Variants in APC2 observed in about 807,000 individuals in gnomAD.
The protein encoded by APC2 is APC regulator of Wnt signaling pathway 2, also known as adenomatous polyposis coli protein 2.
Under a neutral mutation model 72.5 loss-of-function variants are expected in APC2, and 41 were observed. The observed-to-expected ratio is 0.57, with a 90% CI of 0.44 to 0.73. The LOEUF is 0.73. APC2 is among the 30% of genes least tolerant of loss of function. APC2 has a pLI of 0.00. For missense variants in APC2, 3,729 were observed against 3,403.4 expected (o/e 1.10, Z -2.38); for synonymous variants, 1,898 against 1,612.0 (o/e 1.18, Z -4.25).
chr19:1,462,143 G>A lies in APC2; in HGVS notation c.1819G>A (p.Val607Met). 3 of 1,611,610 alleles carry A rather than the reference G, an allele frequency of 1.9e-6. No individual in the cohort carries two copies. Among genetic ancestry groups the A allele is most frequent in the Non-Finnish European group, 2.5e-6 (3 of 1,179,800 alleles). ...IESGGGILRN[V>M]SSLVATREDY... ...GAGCGGCGGCGGCATCCTCCGCAAT[G>A]TGTCCAGCCTCGTCGCCACCCGTGA... is the stretch of plus-strand genomic sequence containing the variant. The change falls in exon 14 of 15, where the codon GTG becomes ATG. Residue 607 changes from valine to methionine, a missense_variant. By Grantham distance (21) the Val-to-Met change is conservative (BLOSUM62 1). Coordinates refer to ENST00000590469, the MANE Select transcript of APC2 (RefSeq NM_005883.3).
At chr19:1,450,056 C>T (rs888076560), upstream of APC2, 4 of 889,520 alleles carry the variant, frequency 4.5e-6, no homozygotes, top group Non-Finnish European at 5.4e-6. Context: ...ATGGCACCAG[C>T]CCGTCTTCCC....
In APC2 at chr19:1,466,421, C is replaced by T. The variant is rs757888565; in HGVS notation, c.3120C>T (p.Pro1040=). The T allele has an allele frequency of 1.1e-5, 17 of 1,597,222 alleles. No individual in the cohort carries two copies. Among genetic ancestry groups the T allele is most frequent in the Admixed American group, 3.3e-5 (2 of 59,838 alleles). The part of the protein sequence containing the change: ...WLPADHLSKV[P]EKLAAAPLSV... Reference sequence around the variant, plus strand: ...CGGCAGACCACCTGAGCAAGGTTCCCGAGAAGCTGGCGGCTGCCCCGCTGT... The same window carrying T: ...CGGCAGACCACCTGAGCAAGGTTCCTGAGAAGCTGGCGGCTGCCCCGCTGT... Residue 1040 remains proline (P), a synonymous_variant, in exon 15 of 15, where the codon CCC becomes CCT. Coordinates refer to ENST00000590469, the MANE Select transcript of APC2 (RefSeq NM_005883.3).
At chr19:1,461,182 T>C in intron 13 of APC2, 29 bp downstream of exon 13, 1 of 1,577,950 alleles carries the variant, frequency 6.3e-7, no homozygotes, top group Non-Finnish European at 8.6e-7. Flanking sequence ...GCAGGGATGC[T>C]TCTTCAGTCA....
rs889773975 is a variant in APC2, at chr19:1,467,753, C to G, written c.4452C>G (p.Pro1484=). The change falls in exon 15 of 15, where the codon CCC becomes CCG. Residue 1484 remains proline (P), a synonymous_variant. Coordinates refer to ENST00000590469, the MANE Select transcript of APC2 (RefSeq NM_005883.3). ...CCGCAGACAAGGACGGCTCAAAGCC[C>G]GGCCGGACCCGCGGGGACGGGGCGC... ...SAPADKDGSK[P]GRTRGDGALQ... The G allele has an allele frequency of 2.1e-6, 3 of 1,432,814 alleles. No homozygotes were observed. Among genetic ancestry groups the G allele is most frequent in the African/African-American group, 1.5e-5 (1 of 66,906 alleles). 88.8% of individuals were successfully genotyped at this position (1,432,814 alleles called of 1,614,324 possible). A position where few individuals can be genotyped will look rare whatever the true frequency, so the allele number is the denominator to read the frequency against.
chr19:1,463,397 G>A (rs1461775356), intron 14 of APC2, among the ~76,000 whole-genome samples: 6 of 144,218 alleles, frequency 4.2e-5, no homozygotes, highest in African/African-American at 1.4e-4. Context: ...CAGCCTGGGC[G>A]ACAGAGGGGA....
chr19:1,455,116 C>G (rs760895117), intron 4 of APC2, 33 bp from the exon 5 acceptor site: 2 of 1,465,298 alleles, frequency 1.4e-6, no homozygotes, highest in Admixed American at 2.4e-5. Context: ...CGGCGCCGCC[C>G]TCTGAGCCCG....
In APC2 at chr19:1,466,043, G is replaced by C; in HGVS notation, c.2742G>C (p.Arg914=). Residue 914 remains arginine (R), a synonymous_variant, in exon 15 of 15, where the codon CGG becomes CGC. Coordinates refer to ENST00000590469, the MANE Select transcript of APC2 (RefSeq NM_005883.3). ...GAAGCCGGGCGCACCCGCTGCTGCG[G>C]CTCAAGGCGGCCCACGCCAGCCTCT... ...EAGSRAHPLL[R]LKAAHASLSN... is the part of the protein sequence containing the mutation. 1.3e-6 allele frequency: 2 copies of C among 1,499,526 alleles called. No individual in the cohort carries two copies. Among genetic ancestry groups the C allele is most frequent in the Non-Finnish European group, 1.8e-6 (2 of 1,135,746 alleles). The allele number at this position is 1,499,526 out of a possible 1,614,324, so 92.9% of individuals were successfully genotyped here.
chr19:1,468,426 G>A lies in APC2; in HGVS notation c.5125G>A (p.Glu1709Lys). Residue 1709 changes from glutamate (E) to lysine (K), a missense_variant, in exon 15 of 15, where the codon GAG becomes AAG. Glu to Lys is a moderately conservative substitution (Grantham distance 56, BLOSUM62 1). Coordinates refer to ENST00000590469, the MANE Select transcript of APC2 (RefSeq NM_005883.3). ...GCACCAGGCAGCAGCTGCCACGCGG[G>A]AGGCCTCGTCCGAGTCCGACTCCAT... ...WLHQAAAATR[E>K]ASSESDSILS... 3 of 1,592,174 alleles carry A rather than the reference G, an allele frequency of 1.9e-6. No homozygotes were observed. The highest frequency in any genetic ancestry group is 2.6e-6 in the Non-Finnish European group (3 of 1,170,322).
chr19:1,466,214 G>A lies in APC2; in HGVS notation c.2913G>A (p.Leu971=), dbSNP rs1457369938. 6.4e-7 allele frequency: 1 copy of A among 1,551,684 alleles called. No homozygotes were observed. Residue 971 remains leucine (L), a synonymous_variant, in exon 15 of 15, where the codon CTG becomes CTA. Transcript: ENST00000590469. ...GGCCCAGCCGGCTTGACCTTGACCT[G>A]CCCGGCTGCCAGGCCGAGCCCCCGG... The part of the protein sequence containing the change: ...QPRPSRLDLD[L]PGCQAEPPAR...
rs2084085093 is a variant in APC2 at position 1,469,170 on chromosome 19, G to A, written c.5869G>A (p.Ala1957Thr). The A allele has an allele frequency of 7.7e-7, 1 of 1,291,578 alleles. No individual in the cohort carries two copies. Among genetic ancestry groups the A allele is most frequent in the South Asian group, 2.5e-5 (1 of 40,336 alleles). The allele number at this position is 1,291,578 out of a possible 1,614,324, so 80.0% of individuals were successfully genotyped here. ...AVPEPGPRGRAGTEAGPGARG... is the reference protein window; with the variant it reads ...AVPEPGPRGRTGTEAGPGARG... ...CCCGGAGCCGGGCCCCAGGGGCCGG[G>A]CGGGGACCGAGGCGGGCCCGGGGGC... The change falls in exon 15 of 15, where the codon GCG (alanine) becomes ACG (threonine). Residue 1957 changes from alanine (A) to threonine (T), a missense_variant. Physicochemically the swap from Ala to Thr is moderately conservative, Grantham distance 58 (BLOSUM62 0). Transcript: ENST00000590469.
At position 1,457,797 on chromosome 19, in the gene APC2, C is replaced by T. The variant is rs1390945486; in HGVS notation, c.1208-168C>T. 3 of 645,688 alleles carry T rather than the reference C, an allele frequency of 4.6e-6. No homozygotes were observed. In the East Asian group the frequency reaches 8.2e-5, roughly 18 times the overall value. 40.0% of individuals were successfully genotyped at this position (645,688 alleles called of 1,614,324 possible). A position where few individuals can be genotyped will look rare whatever the true frequency, so the allele number is the denominator to read the frequency against. On this transcript the variant is annotated intron_variant, in intron 9 of 14. Transcript: ENST00000590469. ...CCCAAGGCTGAGTGAGAGAGGCCAC[C>T]CCATCATCCCATCTTAGAGAGGCTG...
In APC2 at chr19:1,469,635, G is replaced by A. The variant is rs1386266391; in HGVS notation, c.6334G>A (p.Asp2112Asn). 1.6e-6 allele frequency: 2 copies of A among 1,231,596 alleles called. No homozygotes were observed. The highest frequency in any genetic ancestry group is 2.0e-6 in the Non-Finnish European group (2 of 986,612). 76.3% of individuals were successfully genotyped at this position (1,231,596 alleles called of 1,614,324 possible). Residue 2112 changes from aspartate (D) to asparagine (N), a missense_variant, in exon 15 of 15, where the codon GAC becomes AAC. Physicochemically the swap from Asp to Asn is conservative, Grantham distance 23 (BLOSUM62 1). Coordinates refer to ENST00000590469, the MANE Select transcript of APC2 (RefSeq NM_005883.3). Reference protein sequence around the residue: ...LPHISVARRPDGAVPAAPASA... With the variant: ...LPHISVARRPNGAVPAAPASA... ...GCACATCAGCGTGGCCCGCAGGCCC[G>A]ACGGCGCCGTCCCCGCGGCCCCTGC... is the stretch of plus-strand genomic sequence containing the variant.
upstream of APC2, among the ~76,000 whole-genome samples, chr19:1,447,136 C>T (rs375172108): frequency 3.0e-4 from 46 of 152,346 alleles, 1 homozygote; most frequent in South Asian, 6.2e-4. Context: ...CCCACCCTCC[C>T]CCACCTCCGG....
In APC2 at chr19:1,465,874, T is replaced by C; in HGVS notation, c.2573T>C (p.Val858Ala). ...GCAGTGGCGCGCATCGACCAGCTGGTGGAGGACATCTCCGCCCTGCACACC... is the reference window on the plus strand; with the variant it reads ...GCAGTGGCGCGCATCGACCAGCTGGCGGAGGACATCTCCGCCCTGCACACC... The part of the protein sequence containing the change: ...ALAVARIDQL[V>A]EDISALHTSS... Residue 858 changes from valine to alanine, a missense_variant, in exon 15 of 15, where the codon GTG (valine) becomes GCG (alanine). Val to Ala is a moderately conservative substitution (Grantham distance 64). Transcript: ENST00000590469. 1 of 1,568,146 alleles carries C rather than the reference T, an allele frequency of 6.4e-7. No individual in the cohort carries two copies.
At position 1,467,623 on chromosome 19, in the gene APC2, A is replaced by T; in HGVS notation, c.4322A>T (p.His1441Leu). 1 of 1,491,804 alleles carries T rather than the reference A, an allele frequency of 6.7e-7. No individual in the cohort carries two copies. Among genetic ancestry groups the T allele is most frequent in the Non-Finnish European group, 8.9e-7 (1 of 1,128,646 alleles). 92.4% of individuals were successfully genotyped at this position (1,491,804 alleles called of 1,614,324 possible). A position where few individuals can be genotyped will look rare whatever the true frequency, so the allele number is the denominator to read the frequency against. ...ACCTCTGCCAGACAGGCCATGGGGC[A>T]CCGGCACAAGGCGGGAGGCGCCGGC... ...RPTSARQAMGHRHKAGGAGRS... is the reference protein window; with the variant it reads ...RPTSARQAMGLRHKAGGAGRS... Residue 1441 changes from histidine to leucine, a missense_variant, in exon 15 of 15, where the codon CAC becomes CTC. By Grantham distance (99) the His-to-Leu change is moderately conservative. Transcript: ENST00000590469.
chr19:1,456,061 T>C lies in APC2; in HGVS notation c.640-15T>C, dbSNP rs1166463085. 2 of 1,551,464 alleles carry C rather than the reference T, an allele frequency of 1.3e-6. No individual in the cohort carries two copies. ...GGGTCAGCTCCAGCACTTGCCCTCGTGTGGTCCTGAGCAGATCCGCGCCTC... is the reference window on the plus strand; with the variant it reads ...GGGTCAGCTCCAGCACTTGCCCTCGCGTGGTCCTGAGCAGATCCGCGCCTC... On this transcript the variant is annotated splice_polypyrimidine_tract_variant and intron_variant, in intron 6 of 14. Transcript: ENST00000590469.
chr19:1,458,142 C>T (rs1185453991), intron 10 of APC2, 82 bp downstream of exon 10: 2 of 1,286,322 alleles, frequency 1.6e-6, no homozygotes, highest in Non-Finnish European at 2.2e-6. Flanking sequence ...GGGACACAGG[C>T]TGGGTCATCT....
At chr19:1,448,022 A>C (rs1226443915), upstream of APC2, among the ~76,000 whole-genome samples, 1 of 152,120 alleles carries the variant, frequency 6.6e-6, no homozygotes, top group African/African-American at 2.4e-5. Context: ...TCAGTAAACA[A>C]GACTGGAAAC....
rs1229978146 is a variant in APC2, at chr19:1,466,088, C to T, written c.2787C>T (p.Ser929=). 7 of 1,533,734 alleles carry T rather than the reference C, an allele frequency of 4.6e-6. No individual in the cohort carries two copies. Among genetic ancestry groups the T allele is most frequent in the South Asian group, 2.4e-5 (2 of 82,116 alleles). The change falls in exon 15 of 15, where the codon AGC becomes AGT. Residue 929 remains serine (S), a synonymous_variant. Coordinates refer to ENST00000590469, the MANE Select transcript of APC2 (RefSeq NM_005883.3). ...HASLSNDSLN[S]GSASDGYCPR... ...GCCTCTCCAACGACAGCCTCAACAG[C>T]GGCAGTGCCAGCGACGGGTACTGCC...
Sources: allele counts gnomAD v4.1 joint callset (sites outside exome capture counted in the v4.1 genomes callset), GRCh38; gene constraint gnomAD v4.1.1; transcripts MANE v1.5; gene names NCBI Gene and HGNC (gene_info 2026-07-23, HGNC 2026-07-21).